Variants in SLC9A9 observed in about 807,000 individuals in gnomAD.
SLC9A9 encodes sodium/hydrogen exchanger 9.
A neutral mutation model predicts 77.8 loss-of-function variants in SLC9A9; 62 were observed. The ratio of observed to expected loss-of-function variants is 0.80; its 90% CI spans 0.65 to 0.98. The LOEUF (loss-of-function observed/expected upper bound fraction) is 0.98. Among genes scored for constraint, SLC9A9 ranks in the 50% least tolerant of loss-of-function variants. The pLI is 0.00. For synonymous variants in SLC9A9, 320 were observed against 283.5 expected (o/e 1.13, Z -1.29); for missense variants, 775 against 774.9 (o/e 1.00, Z 0.00).
At chr3:143,701,947 C>G (rs1933813639) in intron 4 of SLC9A9, among the ~76,000 whole-genome samples, 9 of 152,122 alleles carry the variant, frequency 5.9e-5, no homozygotes, top group Admixed American at 5.9e-4. Flanking sequence ...TACAATAGGG[C>G]TCCAATATGT....
At chr3:143,432,723 G>T (rs1044927331) in intron 12 of SLC9A9, among the ~76,000 whole-genome samples, 1 of 152,200 alleles carries the variant, frequency 6.6e-6, no homozygotes, top group African/African-American at 2.4e-5. Flanking sequence ...CGCCTCCCAG[G>T]TTCAAGCGAT....
chr3:143,672,869 A>G (rs1398172321), intron 5 of SLC9A9, among the ~76,000 whole-genome samples: 1 of 152,228 alleles, frequency 6.6e-6, no homozygotes, highest in Non-Finnish European at 1.5e-5. Context: ...CTGCTATGAA[A>G]TGAAAAGCAC....
intron 12 of SLC9A9, among the ~76,000 whole-genome samples, chr3:143,417,873 C>T (rs1258344015): frequency 6.6e-6 from 1 of 151,994 alleles, no homozygotes; most frequent in Non-Finnish European, 1.5e-5. Context: ...TCAAGGCCTA[C>T]AGAGCCTCTA....
At chr3:143,323,354 G>GGT (rs1295995269) in intron 14 of SLC9A9, among the ~76,000 whole-genome samples, 1 of 152,048 alleles carries the variant, frequency 6.6e-6, no homozygotes, top group East Asian at 1.9e-4. Flanking sequence ...AAGTAAATGT[G>GGT]GTGTATATAT....
intron 14 of SLC9A9, among the ~76,000 whole-genome samples, chr3:143,304,586 A>G (rs1020664069): frequency 2.6e-5 from 4 of 152,232 alleles, no homozygotes; most frequent in East Asian, 1.9e-4. Flanking sequence ...CAGACTTGAT[A>G]AAAGTCCAGC....
intron 14 of SLC9A9, among the ~76,000 whole-genome samples, chr3:143,286,608 G>A (rs1195960884): frequency 2.0e-5 from 3 of 152,178 alleles, no homozygotes; most frequent in African/African-American, 7.2e-5. Flanking sequence ...CTCACAGAAT[G>A]TTCTTGCTCA....
chr3:143,604,183 G>GT (rs2037887759), intron 6 of SLC9A9, among the ~76,000 whole-genome samples: 3 of 152,136 alleles, frequency 2.0e-5, no homozygotes, highest in African/African-American at 4.8e-5. Context: ...AAGTGATACA[G>GT]TTTTTTACTT....
At chr3:143,846,275 G>A (rs1460054992) in intron 1 of SLC9A9, among the ~76,000 whole-genome samples, 2 of 152,182 alleles carry the variant, frequency 1.3e-5, no homozygotes, top group Admixed American at 6.5e-5. Context: ...AATAAAGGTT[G>A]GCAATCTATT....
chr3:143,317,015 C>T (rs1316712739), intron 14 of SLC9A9, among the ~76,000 whole-genome samples: 1 of 152,004 alleles, frequency 6.6e-6, no homozygotes, highest in Non-Finnish European at 1.5e-5. Context: ...TTAATACTCC[C>T]AAAGTGCTAG....
intron 4 of SLC9A9, among the ~76,000 whole-genome samples, chr3:143,713,853 GA>G (rs1322338340): frequency 6.6e-6 from 1 of 152,214 alleles, no homozygotes; most frequent in South Asian, 2.1e-4. Flanking sequence ...AATAAAAGCA[GA>G]GACTGTAAGA....
chr3:143,676,826 T>C (rs544832492), intron 5 of SLC9A9, among the ~76,000 whole-genome samples: 20 of 152,290 alleles, frequency 1.3e-4, no homozygotes, highest in Admixed American at 5.2e-4. Context: ...TGAACCTCTC[T>C]GCCATTTAAG....
intron 12 of SLC9A9, among the ~76,000 whole-genome samples, chr3:143,382,523 T>C (rs540228650): frequency 6.6e-5 from 10 of 152,328 alleles, no homozygotes; most frequent in African/African-American, 2.4e-4. Flanking sequence ...GCAGGGTTTC[T>C]TGAGGCAGAG....
intron 4 of SLC9A9, among the ~76,000 whole-genome samples, chr3:143,710,327 TC>T (rs1333798383): frequency 6.6e-6 from 1 of 152,184 alleles, no homozygotes; most frequent in Non-Finnish European, 1.5e-5. Context: ...CACGCAGCTA[TC>T]AGCCATGATT....
chr3:143,376,679 T>C (rs763150909), intron 13 of SLC9A9, among the ~76,000 whole-genome samples: 6 of 152,190 alleles, frequency 3.9e-5, no homozygotes, highest in Non-Finnish European at 5.9e-5. Flanking sequence ...TAGAATTTAG[T>C]CCTATGCAGT....
At chr3:143,325,228 A>G (rs923631372) in intron 14 of SLC9A9, among the ~76,000 whole-genome samples, 4 of 152,142 alleles carry the variant, frequency 2.6e-5, no homozygotes, top group African/African-American at 9.7e-5. Context: ...GATTATCCAC[A>G]CCTGTAAAAT....
At chr3:143,671,422 C>A (rs1199761174) in intron 5 of SLC9A9, among the ~76,000 whole-genome samples, 2 of 152,026 alleles carry the variant, frequency 1.3e-5, no homozygotes, top group African/African-American at 4.8e-5. Flanking sequence ...TGCCGTGAAA[C>A]CTTGAGATAA....
chr3:143,437,285 C>A (rs542592989), intron 12 of SLC9A9, among the ~76,000 whole-genome samples: 1 of 152,342 alleles, frequency 6.6e-6, no homozygotes, highest in Admixed American at 6.5e-5. Flanking sequence ...ATTGTATTTT[C>A]TTGATTCCTA....
intron 9 of SLC9A9, among the ~76,000 whole-genome samples, chr3:143,512,647 G>A (rs2036135618): frequency 1.3e-5 from 2 of 152,244 alleles, no homozygotes; most frequent in African/African-American, 4.8e-5. Context: ...GGATGCCAAG[G>A]CGGGTGGATC....
At chr3:143,411,958 A>G (rs1049332089) in intron 12 of SLC9A9, among the ~76,000 whole-genome samples, 3 of 152,034 alleles carry the variant, frequency 2.0e-5, no homozygotes, top group African/African-American at 7.3e-5. Context: ...CTGCTAAGGC[A>G]CTGATTGAAT....
Sources: gnomAD v4.1 joint callset for allele counts (sites outside exome capture counted in the v4.1 genomes callset) on GRCh38, gnomAD v4.1.1 for gene constraint, MANE v1.5 for transcripts, NCBI Gene and HGNC (gene_info 2026-07-23, HGNC 2026-07-21) for gene names.